The following RABGAP1L variants were observed in gnomAD, a reference collection of about 807,000 sequenced individuals.
RABGAP1L encodes the protein rab GTPase-activating protein 1-like.
Under a neutral mutation model 137.7 loss-of-function variants are expected in RABGAP1L, and 63 were observed. The ratio of observed to expected loss-of-function variants is 0.46; its 90% confidence interval spans 0.37 to 0.56. RABGAP1L has a LOEUF of 0.56. Ranked by LOEUF, RABGAP1L falls within the 20% of genes least tolerant of loss-of-function variation. The pLI is 0.00. For synonymous variants in RABGAP1L, 431 were observed against 433.7 expected (o/e 0.99, Z 0.08); for missense variants, 1,095 against 1,244.0 (o/e 0.88, Z 1.80).
chr1:174,625,705 A>C (rs1042982882), intron 13 of RABGAP1L, among the ~76,000 whole-genome samples: 4 of 152,226 alleles, frequency 2.6e-5, no homozygotes, highest in African/African-American at 4.8e-5. Flanking sequence ...TGTTTTCTAA[A>C]ATTACTAAAA....
At position 174,252,603 on chromosome 1, in the gene RABGAP1L, C is replaced by T. The variant is rs746006993; in HGVS notation, c.986+13C>T. ...TAGCTATTGAAAGGTAAGCAGCTTG[C>T]TCCTAAATGCTACCAAAAACTTGTA... is the stretch of plus-strand genomic sequence containing the variant. On this transcript the variant is annotated intron_variant, in intron 7 of 25. Transcript: ENST00000681986. 7 of 1,602,512 alleles carry T rather than the reference C, an allele frequency of 4.4e-6. No individual in the cohort carries two copies. The South Asian group carries it at 7.9e-5, about 18-fold the overall frequency.
chr1:174,178,471 C>A (rs1258048022), intron 1 of RABGAP1L, among the ~76,000 whole-genome samples: 1 of 152,158 alleles, frequency 6.6e-6, no homozygotes, highest in Non-Finnish European at 1.5e-5. Context: ...ACCCAGCAAT[C>A]TCATTACTGG....
chr1:174,437,054 CA>C (rs1372707183), intron 13 of RABGAP1L, among the ~76,000 whole-genome samples: 1 of 152,212 alleles, frequency 6.6e-6, no homozygotes, highest in Non-Finnish European at 1.5e-5. Context: ...ACATCCACAC[CA>C]AAAACCCATC....
chr1:174,454,690 C>CG (rs1655841491), intron 13 of RABGAP1L, among the ~76,000 whole-genome samples: 1 of 151,604 alleles, frequency 6.6e-6, no homozygotes, highest in South Asian at 2.1e-4. Context: ...GCTGAGACTA[C>CG]AGGCGCCCAC....
At chr1:174,269,173 G>A (rs1269928088) in intron 7 of RABGAP1L, among the ~76,000 whole-genome samples, 2 of 152,140 alleles carry the variant, frequency 1.3e-5, no homozygotes, top group Non-Finnish European at 2.9e-5. Context: ...TCAATCTCCC[G>A]ACCTCGTGAT....
At chr1:174,987,109 G>A (rs1468627608) in intron 24 of RABGAP1L, among the ~76,000 whole-genome samples, 1 of 152,194 alleles carries the variant, frequency 6.6e-6, no homozygotes, top group Non-Finnish European at 1.5e-5. Context: ...AGTGAGTACT[G>A]AGAAGGTGAC....
chr1:174,369,514 A>G (rs2148994113), intron 11 of RABGAP1L, among the ~76,000 whole-genome samples: 1 of 152,332 alleles, frequency 6.6e-6, no homozygotes, highest in South Asian at 2.1e-4. Context: ...CTCTTTCACT[A>G]TAAAAAGTGC....
intron 24 of RABGAP1L, among the ~76,000 whole-genome samples, chr1:174,985,054 A>G (rs1671466821): frequency 6.6e-6 from 1 of 152,248 alleles, no homozygotes; most frequent in Admixed American, 6.5e-5. Flanking sequence ...ATGAAAGGCC[A>G]TGACATTCAG....
intron 25 of RABGAP1L, among the ~76,000 whole-genome samples, chr1:174,989,268 A>G (rs1055910998): frequency 6.6e-6 from 1 of 152,174 alleles, no homozygotes; most frequent in Admixed American, 6.5e-5. Flanking sequence ...CATTTTGTCA[A>G]ACCTCTTTCC....
chr1:174,367,856 A>T, intron 11 of RABGAP1L: 1 of 159,730 alleles, frequency 6.3e-6, no homozygotes, highest in Non-Finnish European at 1.4e-5. Context: ...TTGTATTCTC[A>T]TCCTAAATTG....
Position 174,543,331 on chromosome 1 carries a change from C to G in RABGAP1L, c.1711-94044C>G, listed in dbSNP as rs1665659995. Among the ~76,000 whole-genome samples the G allele has an allele frequency of 1.4e-5, 2 of 145,860 alleles. 1 individual carries two copies. Among genetic ancestry groups the G allele is most frequent in the Admixed American group, 1.3e-4 (2 of 14,828 alleles). On this transcript the variant is annotated intron_variant, in intron 13 of 25. Coordinates refer to ENST00000681986, the MANE Select transcript of RABGAP1L (RefSeq NM_001366446.1). ...AGTTAGTTCTTCTTGTTGAATTGAT[C>G]CCTTCACCATTATGTAATGGCCTTC...
At chr1:174,324,183 A>G (rs1001010542) in intron 11 of RABGAP1L, among the ~76,000 whole-genome samples, 1 of 152,134 alleles carries the variant, frequency 6.6e-6, no homozygotes, top group Non-Finnish European at 1.5e-5. Context: ...TCTCATGGCC[A>G]TTTTGACAGT....
intron 19 of RABGAP1L, among the ~76,000 whole-genome samples, chr1:174,946,485 C>G (rs188270528): frequency 6.6e-6 from 1 of 152,148 alleles, no homozygotes; most frequent in African/African-American, 2.4e-5. Flanking sequence ...AAAACAAAAG[C>G]CTATAGGGTC....
chr1:174,870,719 T>G (rs1024789924), intron 19 of RABGAP1L, among the ~76,000 whole-genome samples: 45 of 152,034 alleles, frequency 3.0e-4, no homozygotes, highest in African/African-American at 1.1e-3. Context: ...TATTAAATAT[T>G]AGCTGCCACT....
chr1:174,287,580 T>C (rs58866024), intron 10 of RABGAP1L, among the ~76,000 whole-genome samples: 16,455 of 152,116 alleles, frequency 0.11, 993 homozygotes, highest in East Asian at 0.22. Context: ...GCAACCACCA[T>C]CTCCTGGGTT....
intron 13 of RABGAP1L, among the ~76,000 whole-genome samples, chr1:174,599,762 C>G (rs1455289284): frequency 3.9e-5 from 6 of 151,954 alleles, no homozygotes; most frequent in Non-Finnish European, 7.4e-5. Context: ...GTTTCTTTAT[C>G]TTTGACCTTT....
intron 1 of RABGAP1L, among the ~76,000 whole-genome samples, chr1:174,214,143 G>A (rs1346636278): frequency 6.6e-6 from 1 of 152,142 alleles, no homozygotes; most frequent in Non-Finnish European, 1.5e-5. Context: ...ATTTATTAAA[G>A]TTGCAGGATA....
intron 1 of RABGAP1L, among the ~76,000 whole-genome samples, chr1:174,195,369 G>A (rs575771447): frequency 3.4e-4 from 51 of 152,140 alleles, no homozygotes; most frequent in African/African-American, 1.2e-3. Context: ...GCTGTATTTA[G>A]ATATTGGCAT....
In RABGAP1L at chr1:174,993,246, A is replaced by AAC. The variant is rs1335994875; in HGVS notation, c.*3248_*3249dup. On this transcript the variant is annotated 3_prime_UTR_variant, in exon 26 of 26. Transcript: ENST00000681986. ...TGTTTATTTATGAGTGCCTATCAGG[A>AAC]ACACTAATAGGAATGCCATTCAACC... 2 of 152,218 alleles carry AAC rather than the reference A, an allele frequency of 1.3e-5. No individual in the cohort carries two copies. 9.4% of individuals were successfully genotyped at this position (152,218 alleles called of 1,614,324 possible).
Sources: gnomAD v4.1 joint callset for allele counts (sites outside exome capture counted in the v4.1 genomes callset) on GRCh38, gnomAD v4.1.1 for gene constraint, MANE v1.5 for transcripts, NCBI Gene and HGNC (gene_info 2026-07-23, HGNC 2026-07-21) for gene names.